BACH2: variants seen among roughly 807,000 people sequenced by gnomAD.
BACH2 encodes transcription regulator protein BACH2.
Under a neutral mutation model 61.8 loss-of-function variants are expected in BACH2, and 5 were observed. The ratio of observed to expected loss-of-function variants is 0.08; its 90% confidence interval spans 0.04 to 0.17. BACH2 has a LOEUF of 0.17. Among genes scored for constraint, BACH2 ranks in the 10% least tolerant of loss-of-function variants. The pLI is 1.00. For missense variants in BACH2, 824 were observed against 1,091.1 expected, an observed-to-expected ratio of 0.76 and a Z score of 3.45; for synonymous variants, 446 against 440.1, an observed-to-expected ratio of 1.01 and a Z score of -0.17.
intron 4 of BACH2, among the ~76,000 whole-genome samples, chr6:90,093,146 T>G (rs1229178181): frequency 6.6e-6 from 1 of 152,182 alleles, no homozygotes; most frequent in Middle Eastern, 3.2e-3. Context: ...CTTTATTAAC[T>G]GGTACAGGTA....
At chr6:89,983,976 C>T (rs909984088) in intron 6 of BACH2, among the ~76,000 whole-genome samples, 18 of 152,190 alleles carry the variant, frequency 1.2e-4, no homozygotes, top group South Asian at 2.1e-4. Context: ...CTTTCTTCCC[C>T]GATCCTTCCT....
intron 5 of BACH2, among the ~76,000 whole-genome samples, chr6:90,038,717 T>C (rs546982569): frequency 1.3e-5 from 2 of 152,088 alleles, no homozygotes; most frequent in Non-Finnish European, 2.9e-5. Flanking sequence ...TATTTATAGA[T>C]AGATCTTTGT....
chr6:90,050,398 C>G (rs1230172965), intron 5 of BACH2, among the ~76,000 whole-genome samples: 1 of 152,028 alleles, frequency 6.6e-6, no homozygotes, highest in African/African-American at 2.4e-5. Flanking sequence ...AGAAGAACAC[C>G]CACAATATTT....
At chr6:90,092,954 C>T (rs1419492245) in intron 4 of BACH2, among the ~76,000 whole-genome samples, 1 of 152,092 alleles carries the variant, frequency 6.6e-6, no homozygotes, top group African/African-American at 2.4e-5. Flanking sequence ...AGGTAGCATC[C>T]ATCAATCTGA....
intron 3 of BACH2, among the ~76,000 whole-genome samples, chr6:90,208,113 A>G (rs7381977): frequency 0.43 from 66,032 of 151,982 alleles, 16,064 homozygotes; most frequent in South Asian, 0.56. Flanking sequence ...CTAGAAGAAA[A>G]CCTAGGCAAT....
At chr6:90,116,637 C>G in intron 4 of BACH2, 1 of 268,358 alleles carries the variant, frequency 3.7e-6, no homozygotes, top group South Asian at 7.4e-5. Flanking sequence ...GAGAATCATA[C>G]AGTGGTGTTA....
chr6:89,986,893 T>C (rs1238739770), intron 6 of BACH2, among the ~76,000 whole-genome samples: 1 of 152,270 alleles, frequency 6.6e-6, no homozygotes, highest in South Asian at 2.1e-4. Flanking sequence ...GCTGACATCT[T>C]TAGGTCACTC....
At chr6:90,177,857 A>C (rs1017095754) in intron 4 of BACH2, among the ~76,000 whole-genome samples, 2 of 152,198 alleles carry the variant, frequency 1.3e-5, no homozygotes, top group African/African-American at 4.8e-5. Flanking sequence ...ACTGTGAATC[A>C]TAAACCTAGG....
intron 8 of BACH2, among the ~76,000 whole-genome samples, chr6:89,934,930 C>A (rs1772920789): frequency 6.6e-6 from 1 of 152,020 alleles, no homozygotes; most frequent in African/African-American, 2.4e-5. Context: ...GCGGCGTGGG[C>A]ATGTGTGTCG....
intron 4 of BACH2, among the ~76,000 whole-genome samples, chr6:90,148,020 T>C (rs1784682597): frequency 1.3e-5 from 2 of 152,174 alleles, no homozygotes; most frequent in African/African-American, 4.8e-5. Context: ...GATGAAATCC[T>C]CTAGTTTGAT....
At chr6:90,021,032 AAACCC>A (rs1778343988) in intron 5 of BACH2, among the ~76,000 whole-genome samples, 1 of 152,198 alleles carries the variant, frequency 6.6e-6, no homozygotes, top group South Asian at 2.1e-4. Context: ...GCAGGCCAAA[AAACCC>A]AGCTGCACAT....
intron 1 of BACH2, among the ~76,000 whole-genome samples, chr6:90,277,379 A>T (rs1451160533): frequency 6.6e-6 from 1 of 152,238 alleles, no homozygotes; most frequent in South Asian, 2.1e-4. Flanking sequence ...GAGTGAAAGA[A>T]GTTAGACACA....
At chr6:90,261,810 A>G (rs1160742532) in intron 2 of BACH2, among the ~76,000 whole-genome samples, 2 of 152,212 alleles carry the variant, frequency 1.3e-5, no homozygotes, top group Non-Finnish European at 2.9e-5. Context: ...TGATGAGATC[A>G]CTCATGTAGT....
chr6:90,106,400 CTA>C (rs1412074743), intron 4 of BACH2, among the ~76,000 whole-genome samples: 1 of 152,152 alleles, frequency 6.6e-6, no homozygotes, highest in East Asian at 1.9e-4. Context: ...TGTACCTTTT[CTA>C]TGTTTAGATA....
intron 6 of BACH2, among the ~76,000 whole-genome samples, chr6:89,996,583 C>T (rs1017237720): frequency 6.6e-6 from 1 of 152,272 alleles, no homozygotes; most frequent in South Asian, 2.1e-4. Flanking sequence ...CCTGCAAGTG[C>T]CTCTTTTTGG....
At chr6:90,195,537 CAGATA>C (rs764903826) in intron 4 of BACH2, among the ~76,000 whole-genome samples, 1 of 152,138 alleles carries the variant, frequency 6.6e-6, no homozygotes, top group Non-Finnish European at 1.5e-5. Context: ...GCTCTAATAA[CAGATA>C]AGACAGAATT....
At chr6:89,944,055 C>T (rs554519006) in intron 7 of BACH2, among the ~76,000 whole-genome samples, 7 of 152,340 alleles carry the variant, frequency 4.6e-5, no homozygotes, top group Non-Finnish European at 7.3e-5. Context: ...AAATGTTTCT[C>T]GCGCAATTGT....
chr6:90,023,290 T>C (rs924518141), intron 5 of BACH2, among the ~76,000 whole-genome samples: 2 of 151,784 alleles, frequency 1.3e-5, no homozygotes, highest in African/African-American at 4.8e-5. Flanking sequence ...GACTGGATCA[T>C]AGGGGAGGTT....
chr6:90,069,510 C>T (rs1781123164), intron 5 of BACH2, among the ~76,000 whole-genome samples: 1 of 152,158 alleles, frequency 6.6e-6, no homozygotes, highest in Admixed American at 6.5e-5. Flanking sequence ...TTAGCAACGT[C>T]ATAAAGACAA....
Sources: gnomAD v4.1 joint callset for allele counts (sites outside exome capture counted in the v4.1 genomes callset) on GRCh38, gnomAD v4.1.1 for gene constraint, MANE v1.5 for transcripts, NCBI Gene and HGNC (gene_info 2026-07-23, HGNC 2026-07-21) for gene names.